LDHA: variants seen among roughly 807,000 people sequenced by gnomAD.
LDHA encodes the protein lactate dehydrogenase A, also known as L-lactate dehydrogenase A chain.
In LDHA, 10 loss-of-function variants were observed where a neutral mutation model predicts 36.3. The observed-to-expected ratio is 0.28, with a 90% confidence interval of 0.17 to 0.47. LDHA has a LOEUF of 0.47. LDHA is among the 20% of genes least tolerant of loss of function. The pLI, the probability that LDHA is intolerant of heterozygous loss-of-function variation, is 0.99. For synonymous variants in LDHA, 110 were observed against 136.7 expected, an observed-to-expected ratio of 0.80 and a Z score of 1.36; for missense variants, 267 against 405.8, an observed-to-expected ratio of 0.66 and a Z score of 2.94.
rs1358049701 is a variant in LDHA, at chr11:18,407,506, A to T, written c.*225A>T. ...AATCTTGTGTAGTCTTCAACTGGTT[A>T]GTGTGAAATAGTTCTGCCACCTCTG... On this transcript the variant is annotated 3_prime_UTR_variant, in exon 8 of 8. Transcript: ENST00000422447. The T allele has an allele frequency of 1.1e-6, 1 of 892,300 alleles. No homozygotes were observed. Among genetic ancestry groups the T allele is most frequent in the Non-Finnish European group, 1.8e-6 (1 of 556,824 alleles). 55.3% of individuals were successfully genotyped at this position (892,300 alleles called of 1,614,324 possible). A position where few individuals can be genotyped will look rare whatever the true frequency, so the allele number is the denominator to read the frequency against.
chr11:18,407,032 T>C, intron 7 of LDHA, 85 bp from the exon 8 acceptor site: 1 of 1,087,508 alleles, frequency 9.2e-7, no homozygotes, highest in Non-Finnish European at 1.3e-6. Context: ...AAAAAAGCTT[T>C]ATAATTATAG....
chr11:18,401,976 T>TTTTTTTTTTTTTTTTTA (rs1866525574), intron 4 of LDHA, among the ~76,000 whole-genome samples: 1 of 142,704 alleles, frequency 7.0e-6, no homozygotes, highest in Non-Finnish European at 1.5e-5. Context: ...TTTTTTTTTT[T>TTTTTTTTTTTTTTTTTA]GAGACAGTCT....
At chr11:18,403,240 A>G (rs181384746) in intron 5 of LDHA, among the ~76,000 whole-genome samples, 10 of 152,282 alleles carry the variant, frequency 6.6e-5, no homozygotes, top group Admixed American at 4.6e-4. Flanking sequence ...TCTTCTTACC[A>G]TGGATATCTT....
intron 6 of LDHA, among the ~76,000 whole-genome samples, chr11:18,404,421 AG>A (rs1866603135): frequency 6.6e-6 from 1 of 151,752 alleles, no homozygotes; most frequent in African/African-American, 2.4e-5. Flanking sequence ...CCTGTCTCAA[AG>A]GAAAAAAAAA....
At chr11:18,401,876 C>T (rs1159098304) in intron 4 of LDHA, among the ~76,000 whole-genome samples, 2 of 150,528 alleles carry the variant, frequency 1.3e-5, no homozygotes, top group Non-Finnish European at 2.9e-5. Flanking sequence ...GAATACAATG[C>T]CTTTAAATGT....
chr11:18,395,435 C>CCCTCA (rs1866262381), intron 1 of LDHA, among the ~76,000 whole-genome samples: 1 of 152,078 alleles, frequency 6.6e-6, no homozygotes, highest in South Asian at 2.1e-4. Context: ...ACGCACCCTT[C>CCCTCA]CCTCATCCCA....
intron 1 of LDHA, 70 bp downstream of exon 1, chr11:18,394,706 T>G (rs927574266): frequency 1.1e-5 from 5 of 449,848 alleles, no homozygotes; most frequent in Non-Finnish European, 2.2e-5. Context: ...CTGGTTCTGC[T>G]GGCCTCCGCT....
intron 1 of LDHA, 189 bp from the exon 2 acceptor site, chr11:18,396,630 A>G (rs1040277706): frequency 1.7e-5 from 24 of 1,417,424 alleles, no homozygotes; most frequent in Non-Finnish European, 9.2e-6. Context: ...TTCACTCTTC[A>G]CAGACCCTGT....
Position 18,399,768 on chromosome 11 carries a change from T to C in LDHA, c.244+220T>C, listed in dbSNP as rs1169632495. The C allele has an allele frequency of 8.2e-6, 4 of 490,530 alleles. No individual in the cohort carries two copies. In the East Asian group the frequency reaches 1.2e-4, roughly 14 times the overall value. 30.4% of individuals were successfully genotyped at this position (490,530 alleles called of 1,614,324 possible). On this transcript the variant is annotated intron_variant, in intron 3 of 7. Transcript: ENST00000422447. Reference sequence around the variant, plus strand: ...TGCTACCATGCCCGGCTAATTTTTTTACTTTTTGTAGAGATGGGGACCCAC... The same window carrying C: ...TGCTACCATGCCCGGCTAATTTTTTCACTTTTTGTAGAGATGGGGACCCAC...
chr11:18,398,275 A>G lies in LDHA; in HGVS notation c.127-1156A>G, dbSNP rs577365164. On this transcript the variant is annotated intron_variant, in intron 2 of 7. Coordinates refer to ENST00000422447, the MANE Select transcript of LDHA (RefSeq NM_005566.4). ...TATAAGGATATTTTTTGCCAGTATTATACACTGCACAAACCTATTTATCCA... is the reference window on the plus strand; with the variant it reads ...TATAAGGATATTTTTTGCCAGTATTGTACACTGCACAAACCTATTTATCCA... Among the ~76,000 whole-genome samples, 229 of 152,330 alleles carry G rather than the reference A, an allele frequency of 1.5e-3. 2 individuals are homozygous for G. Among genetic ancestry groups the G allele is most frequent in the African/African-American group, 5.3e-3 (220 of 41,572 alleles).
At chr11:18,394,717 G>T (rs1866229772) in intron 1 of LDHA, 81 bp downstream of exon 1, 1 of 449,016 alleles carries the variant, frequency 2.2e-6, no homozygotes, top group South Asian at 1.6e-5. Flanking sequence ...GGCCTCCGCT[G>T]CTCGCGAAGG....
chr11:18,407,180 A>G lies in LDHA; in HGVS notation c.898A>G (p.Ile300Val). The change falls in exon 8 of 8, where the codon ATC becomes GTC. Residue 300 changes from isoleucine (I) to valine (V), a missense_variant. By Grantham distance (29) the Ile-to-Val change is conservative. Transcript: ENST00000422447. ...TCCTTGCATTTTGGGACAGAATGGAATCTCAGACCTTGTGAAGGTGACTCT... is the reference window on the plus strand; with the variant it reads ...TCCTTGCATTTTGGGACAGAATGGAGTCTCAGACCTTGTGAAGGTGACTCT... Reference protein sequence around the residue: ...SVPCILGQNGISDLVKVTLTS... With the variant: ...SVPCILGQNGVSDLVKVTLTS... 6.2e-7 allele frequency: 1 copy of G among 1,613,020 alleles called. No individual in the cohort carries two copies. Among genetic ancestry groups the G allele is most frequent in the South Asian group, 1.1e-5 (1 of 91,046 alleles).
In LDHA at chr11:18,398,629, T is replaced by TTTTTTTTTTTTTTC. The variant is rs1554960741; in HGVS notation, c.127-802_127-801insTTTTTTTTTTTTTC. ...TTTTTTTTTTTTTTTTTTTTTTTTT[T>TTTTTTTTTTTTTTC]CTGAGAAGGAGTCTCGCCGTGTCGC... On this transcript the variant is annotated intron_variant, in intron 2 of 7. Transcript: ENST00000422447. 5.4e-4 allele frequency: 47 copies of TTTTTTTTTTTTTTC among 87,658 alleles called. 9 individuals carry two copies. Among genetic ancestry groups the TTTTTTTTTTTTTTC allele is most frequent in the African/African-American group, 1.9e-3 (46 of 24,546 alleles). 5.4% of individuals were successfully genotyped at this position (87,658 alleles called of 1,614,324 possible).
intron 6 of LDHA, among the ~76,000 whole-genome samples, chr11:18,404,983 G>A (rs1008010490): frequency 2.6e-5 from 4 of 152,072 alleles, no homozygotes; most frequent in Non-Finnish European, 5.9e-5. Flanking sequence ...GTATTCTGCT[G>A]GTGTTTGGAA....
chr11:18,403,569 G>T, intron 5 of LDHA, 125 bp from the exon 6 acceptor site: 1 of 753,522 alleles, frequency 1.3e-6, no homozygotes. Flanking sequence ...GACTACATTA[G>T]TAGTCTTGAC....
At position 18,402,430 on chromosome 11, in the gene LDHA, A is replaced by G. The variant is rs903444269; in HGVS notation, c.419-410A>G. On this transcript the variant is annotated intron_variant, in intron 4 of 7. Transcript: ENST00000422447. ...TTCCTCAGCCTCTTAAGTAGCTAGG[A>G]CTACAGGCGTGCACCAATATGCCTG... The G allele has an allele frequency of 4.0e-5, 9 of 226,692 alleles. No homozygotes were observed. In the South Asian group the frequency reaches 4.7e-4, roughly 12 times the overall value. The allele number at this position is 226,692 out of a possible 1,614,324, so 14.0% of individuals were successfully genotyped here. A position where few individuals can be genotyped will look rare whatever the true frequency, so the allele number is the denominator to read the frequency against.
intron 1 of LDHA, chr11:18,396,579 C>G: frequency 4.3e-6 from 6 of 1,385,428 alleles, no homozygotes; most frequent in Non-Finnish European, 5.6e-6. Context: ...TATACTTACA[C>G]CCAAACGTCG....
At chr11:18,401,467 A>G (rs61041914) in intron 4 of LDHA, among the ~76,000 whole-genome samples, 3,675 of 67,666 alleles carry the variant, frequency 0.054, 99 homozygotes, top group Middle Eastern at 0.09. Flanking sequence ...TGATTCATTT[A>G]TTTTTCTTTT....
At chr11:18,406,296 CCA>C (rs778583037) in intron 7 of LDHA, among the ~76,000 whole-genome samples, 36 of 151,560 alleles carry the variant, frequency 2.4e-4, no homozygotes, top group Non-Finnish European at 5.0e-4. Flanking sequence ...CATAATTAGG[CCA>C]CACACAGTGA....
Sources: gnomAD v4.1 joint callset for allele counts (sites outside exome capture counted in the v4.1 genomes callset) on GRCh38, gnomAD v4.1.1 for gene constraint, MANE v1.5 for transcripts, NCBI Gene and HGNC (gene_info 2026-07-23, HGNC 2026-07-21) for gene names.